Variants in PLXDC2 observed in about 807,000 individuals in gnomAD.
The protein encoded by PLXDC2 is plexin domain-containing protein 2.
Under a neutral mutation model 68.9 loss-of-function variants are expected in PLXDC2, and 40 were observed. The observed-to-expected ratio is 0.58, with a 90% CI of 0.45 to 0.76. The LOEUF is 0.76. PLXDC2 is among the 30% of genes least tolerant of loss of function. The pLI, the probability that PLXDC2 is intolerant of heterozygous loss-of-function variation, is 0.00. For missense variants in PLXDC2, 644 were observed against 661.9 expected, an observed-to-expected ratio of 0.97 and a Z score of 0.30; for synonymous variants, 243 against 234.2, an observed-to-expected ratio of 1.04 and a Z score of -0.34.
intron 4 of PLXDC2, among the ~76,000 whole-genome samples, chr10:20,080,011 G>A (rs1281215152): frequency 6.6e-6 from 1 of 152,106 alleles, no homozygotes; most frequent in Non-Finnish European, 1.5e-5. Flanking sequence ...ACATATGACA[G>A]TGAAAGGACT....
chr10:20,002,135 A>G, intron 2 of PLXDC2, 149 bp downstream of exon 2: 2 of 795,446 alleles, frequency 2.5e-6, no homozygotes, highest in Non-Finnish European at 2.0e-6. Context: ...TAATAAATAT[A>G]ATAACTAAGC....
chr10:20,201,733 C>A (rs1360246965), intron 9 of PLXDC2, among the ~76,000 whole-genome samples: 1 of 151,936 alleles, frequency 6.6e-6, no homozygotes, highest in East Asian at 1.9e-4. Flanking sequence ...CTACATACCC[C>A]ATTAAATATG....
chr10:19,906,264 A>T (rs1309967568), intron 1 of PLXDC2, among the ~76,000 whole-genome samples: 1 of 152,146 alleles, frequency 6.6e-6, no homozygotes, highest in Non-Finnish European at 1.5e-5. Flanking sequence ...TTAGGAAACA[A>T]TTGGCACTGA....
intron 13 of PLXDC2, among the ~76,000 whole-genome samples, chr10:20,248,133 G>A (rs995247876): frequency 2.6e-5 from 4 of 152,186 alleles, no homozygotes; most frequent in Non-Finnish European, 5.9e-5. Flanking sequence ...CTGACATGGT[G>A]AAAAAGAAGA....
intron 2 of PLXDC2, among the ~76,000 whole-genome samples, chr10:20,013,393 AT>A (rs1432054253): frequency 6.6e-6 from 1 of 152,152 alleles, no homozygotes; most frequent in Non-Finnish European, 1.5e-5. Flanking sequence ...AAGATGTTTT[AT>A]TTCATGACAG....
intron 4 of PLXDC2, among the ~76,000 whole-genome samples, chr10:20,077,437 CAT>C (rs1249652405): frequency 6.6e-6 from 1 of 152,126 alleles, no homozygotes; most frequent in Non-Finnish European, 1.5e-5. Context: ...GGAACTGAGA[CAT>C]AGTCATAAAA....
intron 1 of PLXDC2, among the ~76,000 whole-genome samples, chr10:19,924,595 TGAGTA>T (rs1833509024): frequency 6.6e-6 from 1 of 152,162 alleles, no homozygotes; most frequent in Non-Finnish European, 1.5e-5. Flanking sequence ...AGCCACAACA[TGAGTA>T]GTGTGGTTCC....
chr10:19,914,199 T>G lies in PLXDC2; in HGVS notation c.113-87576T>G, dbSNP rs77119563. On this transcript the variant is annotated intron_variant, in intron 1 of 13. Transcript: ENST00000377252. The stretch of plus-strand genomic sequence containing the variant: ...CAAGTGAAATTACTTTGAGAATCAT[T>G]TTTCTTTTTTTCATTTCTTCTTTTA... 5.2e-4 allele frequency among the ~76,000 whole-genome samples: 79 copies of G among 151,930 alleles called. No individual in the cohort carries two copies. The East Asian group carries it at 0.015, about 28-fold the overall frequency.
At chr10:20,215,623 C>G (rs1263158959) in intron 10 of PLXDC2, among the ~76,000 whole-genome samples, 1 of 151,980 alleles carries the variant, frequency 6.6e-6, no homozygotes, top group Non-Finnish European at 1.5e-5. Flanking sequence ...CTATGATCAC[C>G]TAAGCAAATT....
intron 2 of PLXDC2, among the ~76,000 whole-genome samples, chr10:20,040,001 G>T (rs1231619712): frequency 6.6e-6 from 1 of 152,082 alleles, no homozygotes; most frequent in Non-Finnish European, 1.5e-5. Flanking sequence ...ACCTTTCTTG[G>T]CCAAGAGGAC....
intron 3 of PLXDC2, among the ~76,000 whole-genome samples, chr10:20,051,222 G>A (rs373494653): frequency 1.7e-4 from 25 of 151,494 alleles, no homozygotes; most frequent in African/African-American, 4.8e-4. Flanking sequence ...AACAGACGCC[G>A]GAGTCTACTT....
chr10:20,166,131 C>T (rs1181149479), intron 7 of PLXDC2, among the ~76,000 whole-genome samples: 1 of 152,004 alleles, frequency 6.6e-6, no homozygotes, highest in Admixed American at 6.6e-5. Flanking sequence ...GGTGATTATA[C>T]TTAATTATGT....
intron 2 of PLXDC2, among the ~76,000 whole-genome samples, chr10:20,031,707 G>A (rs925146593): frequency 1.1e-4 from 17 of 152,084 alleles, no homozygotes; most frequent in Non-Finnish European, 2.2e-4. Flanking sequence ...ATAAAGAAGC[G>A]CTAACATCAA....
intron 1 of PLXDC2, among the ~76,000 whole-genome samples, chr10:19,957,548 A>G (rs1369368506): frequency 3.3e-5 from 5 of 152,138 alleles, no homozygotes; most frequent in Admixed American, 6.5e-5. Flanking sequence ...TCAACACATG[A>G]AATTACCACG....
chr10:19,933,940 A>G (rs1331441291), intron 1 of PLXDC2, among the ~76,000 whole-genome samples: 1 of 152,012 alleles, frequency 6.6e-6, no homozygotes, highest in Non-Finnish European at 1.5e-5. Flanking sequence ...GAAGGAAGGA[A>G]GATATCAAAT....
At chr10:20,171,436 C>T (rs183755173) in intron 7 of PLXDC2, among the ~76,000 whole-genome samples, 1 of 152,214 alleles carries the variant, frequency 6.6e-6, no homozygotes, top group East Asian at 1.9e-4. Flanking sequence ...CACTAGCTCA[C>T]CAAAGGCTCA....
chr10:19,909,942 G>A (rs1244478902), intron 1 of PLXDC2, among the ~76,000 whole-genome samples: 1 of 152,030 alleles, frequency 6.6e-6, no homozygotes, highest in Non-Finnish European at 1.5e-5. Flanking sequence ...TTCATACTTG[G>A]GACCCCAAAA....
intron 1 of PLXDC2, among the ~76,000 whole-genome samples, chr10:19,925,223 G>T (rs142334413): frequency 6.6e-6 from 1 of 151,284 alleles, no homozygotes; most frequent in Non-Finnish European, 1.5e-5. Context: ...CCAGGAGGCA[G>T]CAGAAGGCAT....
intron 1 of PLXDC2, among the ~76,000 whole-genome samples, chr10:19,869,066 G>A (rs867228402): frequency 2.0e-5 from 3 of 152,090 alleles, no homozygotes; most frequent in Non-Finnish European, 4.4e-5. Flanking sequence ...AGAACTCAGG[G>A]TTCAAGATTT....
Sources: gnomAD v4.1 joint callset for allele counts (sites outside exome capture counted in the v4.1 genomes callset) on GRCh38, gnomAD v4.1.1 for gene constraint, MANE v1.5 for transcripts, NCBI Gene and HGNC (gene_info 2026-07-23, HGNC 2026-07-21) for gene names.